Variants in FAAH2 observed in about 807,000 individuals in gnomAD.
FAAH2 encodes the protein fatty acid amide hydrolase 2.
FAAH2 carries 60 observed loss-of-function variants against 36.9 expected under a neutral mutation model. That is an observed-to-expected ratio of 1.63 (90% confidence interval 1.32 to 2.02). The LOEUF is 2.02. Ranked by LOEUF, FAAH2 falls within the 30% of genes most tolerant of loss-of-function variation. The probability of loss-of-function intolerance (pLI) is 0.00; values close to 1 mark genes in which losing one functional copy is unlikely to be tolerated. For missense variants in FAAH2, 689 were observed against 397.5 expected, an observed-to-expected ratio of 1.73 and a Z score of -6.23; for synonymous variants, 214 against 143.8, an observed-to-expected ratio of 1.49 and a Z score of -3.49.
chrX:57,232,795 A>T, the FAAH2 span, among the ~76,000 whole-genome samples: 1 of 112,287 alleles, frequency 8.9e-6, no homozygotes, highest in African/African-American at 3.2e-5. Flanking sequence ...TACAGCCTAG[A>T]TGGAACAAGC....
At chrX:57,205,517 G>A in the FAAH2 span, among the ~76,000 whole-genome samples, 1 of 112,176 alleles carries the variant, frequency 8.9e-6, no homozygotes, top group Non-Finnish European at 1.9e-5. Flanking sequence ...TGTGTGGAAT[G>A]AACCATGTAT....
At chrX:57,226,772 C>A in the FAAH2 span, among the ~76,000 whole-genome samples, 1 of 112,052 alleles carries the variant, frequency 8.9e-6, no homozygotes, top group African/African-American at 3.2e-5. Context: ...TGTTTTCTTC[C>A]TCAGGAATAC....
chrX:57,286,274 C>A (rs2051808882), upstream of FAAH2, among the ~76,000 whole-genome samples: 1 of 111,735 alleles, frequency 8.9e-6, no homozygotes, highest in African/African-American at 3.3e-5. Flanking sequence ...ATATACTTGC[C>A]ATTTAGTTGT....
intron 2 of FAAH2, among the ~76,000 whole-genome samples, chrX:57,307,910 T>A (rs2052587002): frequency 8.9e-5 from 1 of 11,267 alleles, no homozygotes. Flanking sequence ...GTGCCTGTGT[T>A]AATTAGGTTA....
At chrX:57,265,456 G>A in the FAAH2 span, among the ~76,000 whole-genome samples, 9 of 111,809 alleles carry the variant, frequency 8.0e-5, no homozygotes, top group East Asian at 2.3e-3. Flanking sequence ...GAAGGGGTGG[G>A]CTACTAACTC....
intron 6 of FAAH2, 23 bp from the exon 7 acceptor site, chrX:57,380,889 A>G (rs750527530): frequency 8.2e-5 from 79 of 961,529 alleles, no homozygotes; most frequent in Non-Finnish European, 1.1e-4. Flanking sequence ...TGTTGATGTC[A>G]GTTTCTTTTT....
At chrX:57,475,924 T>C (rs896269207) in intron 10 of FAAH2, among the ~76,000 whole-genome samples, 1 of 111,317 alleles carries the variant, frequency 9.0e-6, no homozygotes, top group African/African-American at 3.3e-5. Context: ...ATGGAAGTTG[T>C]ATTCCTAGGT....
intron 10 of FAAH2, among the ~76,000 whole-genome samples, chrX:57,449,543 G>T (rs1342237965): frequency 1.8e-5 from 2 of 111,528 alleles, no homozygotes; most frequent in East Asian, 2.8e-4. Flanking sequence ...TAACATAAGG[G>T]TTGTGGAGGA....
chrX:57,139,151 T>C, the FAAH2 span, among the ~76,000 whole-genome samples: 1 of 112,254 alleles, frequency 8.9e-6, no homozygotes. Context: ...TGAAGCTTTT[T>C]CCCAAAGTTT....
intron 8 of FAAH2, among the ~76,000 whole-genome samples, chrX:57,439,186 C>T (rs899846695): frequency 2.2e-4 from 24 of 109,639 alleles, no homozygotes; most frequent in African/African-American, 8.0e-4. Context: ...CACTGACTTC[C>T]ACAATGGTTG....
chrX:57,472,532 A>G (rs1405270427), intron 10 of FAAH2, among the ~76,000 whole-genome samples: 1 of 111,689 alleles, frequency 9.0e-6, no homozygotes, highest in Non-Finnish European at 1.9e-5. Context: ...ATTTTTTGGA[A>G]TAGCCTCAGT....
At position 57,292,562 on chromosome X, in the gene FAAH2, A is replaced by G; in HGVS notation, c.257A>G (p.Asn86Ser). 1 of 1,209,285 alleles carries G rather than the reference A, an allele frequency of 8.3e-7. No individual in the cohort carries two copies. The highest frequency in any genetic ancestry group is 1.1e-6 in the Non-Finnish European group (1 of 893,900). ...ATCAAGGACGTGAACCCAATGATCA[A>G]TGGAATTGTCAAGTACAGGTGAGCA... ...NRIKDVNPMI[N>S]GIVKYRFEEA... Residue 86 changes from asparagine to serine, a missense_variant, in exon 2 of 11, where the codon AAT (asparagine) becomes AGT (serine). Coordinates refer to ENST00000374900, the MANE Select transcript of FAAH2 (RefSeq NM_174912.4).
intron 7 of FAAH2, chrX:57,393,293 G>T (rs766110341): frequency 3.2e-4 from 341 of 1,072,908 alleles, no homozygotes; most frequent in Non-Finnish European, 4.1e-4. Context: ...CTTGGGAAGA[G>T]GCATTCCAGC....
intron 4 of FAAH2, among the ~76,000 whole-genome samples, chrX:57,339,167 G>A (rs1464168258): frequency 8.9e-6 from 1 of 111,837 alleles, no homozygotes; most frequent in East Asian, 2.8e-4. Flanking sequence ...ATGGGGAACG[G>A]ATTCTCTATT....
At chrX:57,195,235 A>C in the FAAH2 span, among the ~76,000 whole-genome samples, 1 of 112,058 alleles carries the variant, frequency 8.9e-6, no homozygotes, top group Non-Finnish European at 1.9e-5. Flanking sequence ...CCAGCAGTGT[A>C]AAAGTGTTTC....
At chrX:57,204,869 G>C in the FAAH2 span, among the ~76,000 whole-genome samples, 1 of 112,393 alleles carries the variant, frequency 8.9e-6, no homozygotes, top group African/African-American at 3.2e-5. Context: ...GCATGTCCTT[G>C]AGAATTATAT....
At chrX:57,182,085 T>A in the FAAH2 span, among the ~76,000 whole-genome samples, 515 of 111,915 alleles carry the variant, frequency 4.6e-3, 3 homozygotes, top group African/African-American at 0.016. Context: ...CAACTCAAGA[T>A]TTATTAAAGA....
intron 3 of FAAH2, among the ~76,000 whole-genome samples, chrX:57,321,139 C>CA (rs35603687): frequency 0.36 from 35,687 of 97,923 alleles, 5,993 homozygotes; most frequent in Middle Eastern, 0.61. Context: ...GACTCCATCT[C>CA]AAAAAAAAAA....
chrX:57,211,442 G>C, the FAAH2 span, among the ~76,000 whole-genome samples: 1 of 111,531 alleles, frequency 9.0e-6, no homozygotes, highest in Non-Finnish European at 1.9e-5. Flanking sequence ...ACCCAGCTTT[G>C]CCCTTCCTCC....
Sources: allele counts gnomAD v4.1 joint callset (sites outside exome capture counted in the v4.1 genomes callset), GRCh38; gene constraint gnomAD v4.1.1; transcripts MANE v1.5; gene names NCBI Gene and HGNC (gene_info 2026-07-23, HGNC 2026-07-21).